The following ERBIN variants were observed in gnomAD, a reference collection of about 807,000 sequenced individuals.
ERBIN encodes erbb2 interacting protein.
ERBIN carries 60 observed loss-of-function variants against 158.4 expected under a neutral mutation model. The observed-to-expected ratio is 0.38, with a 90% CI of 0.31 to 0.47. ERBIN has a LOEUF of 0.47. Ranked by LOEUF, ERBIN falls within the 20% of genes least tolerant of loss-of-function variation. The pLI, the probability that ERBIN is intolerant of heterozygous loss-of-function variation, is 0.99. For missense variants in ERBIN, 1,610 were observed against 1,648.0 expected (o/e 0.98, Z 0.40); for synonymous variants, 594 against 557.2 (o/e 1.07, Z -0.93).
chr5:65,994,208 A>G (rs1752182302), intron 3 of ERBIN, among the ~76,000 whole-genome samples: 1 of 152,134 alleles, frequency 6.6e-6, no homozygotes, highest in African/African-American at 2.4e-5. Context: ...TCAGCAGGCA[A>G]TTTATCTTCC....
At chr5:66,023,049 A>G (rs540671456) in intron 8 of ERBIN, 8 of 367,050 alleles carry the variant, frequency 2.2e-5, no homozygotes, top group Non-Finnish European at 3.4e-5. Flanking sequence ...ATCTACTGCT[A>G]TGGCATGTCT....
At chr5:66,033,901 G>A (rs1172458472) in intron 14 of ERBIN, among the ~76,000 whole-genome samples, 2 of 152,114 alleles carry the variant, frequency 1.3e-5, no homozygotes, top group East Asian at 1.9e-4. Context: ...CTGAGGTCAG[G>A]AATTCAAGAC....
intron 4 of ERBIN, among the ~76,000 whole-genome samples, chr5:66,004,955 G>A (rs1053391387): frequency 1.3e-4 from 20 of 152,202 alleles, no homozygotes; most frequent in Non-Finnish European, 4.4e-5. Flanking sequence ...TACAGGAGCA[G>A]CTAATGAAGA....
intron 1 of ERBIN, among the ~76,000 whole-genome samples, chr5:65,954,762 GA>G (rs11359030): frequency 0.049 from 6,951 of 142,214 alleles, 523 homozygotes; most frequent in African/African-American, 0.16. Flanking sequence ...TTTCAGAACT[GA>G]AAAAAAAAAA....
intron 1 of ERBIN, among the ~76,000 whole-genome samples, chr5:65,956,990 A>G (rs577311110): frequency 6.6e-6 from 1 of 152,186 alleles, no homozygotes; most frequent in South Asian, 2.1e-4. Flanking sequence ...TGTGTATGGT[A>G]ATAATATTAC....
intron 1 of ERBIN, among the ~76,000 whole-genome samples, chr5:65,933,811 A>G (rs1356120188): frequency 6.6e-6 from 1 of 152,218 alleles, no homozygotes; most frequent in Non-Finnish European, 1.5e-5. Context: ...TTAATTTTTG[A>G]AACAATGACT....
At position 66,073,117 on chromosome 5, in the gene ERBIN, C is replaced by G. The variant is rs566197938; in HGVS notation, c.3756+826C>G. The stretch of plus-strand genomic sequence containing the variant: ...AATACTTTCTAATTTCCTGAGCCAT[C>G]TGCTAATTGTAGCTTAATATATTCC... On this transcript the variant is annotated intron_variant, in intron 22 of 25. Coordinates refer to ENST00000284037, the MANE Select transcript of ERBIN (RefSeq NM_001253697.2). Among the ~76,000 whole-genome samples the G allele has an allele frequency of 8.5e-5, 13 of 152,266 alleles. No individual in the cohort carries two copies. In the South Asian group the frequency reaches 2.1e-3, roughly 24 times the overall value.
At chr5:65,982,483 C>T (rs1020301478) in intron 1 of ERBIN, among the ~76,000 whole-genome samples, 3 of 152,128 alleles carry the variant, frequency 2.0e-5, no homozygotes, top group Non-Finnish European at 4.4e-5. Flanking sequence ...CTCTCGATCA[C>T]AGTAATTTGC....
intron 1 of ERBIN, among the ~76,000 whole-genome samples, chr5:65,987,440 T>C (rs1751383670): frequency 6.6e-6 from 1 of 151,322 alleles, no homozygotes; most frequent in African/African-American, 2.4e-5. Flanking sequence ...TGCACGCTTA[T>C]AGTCCCAGCC....
intron 22 of ERBIN, 85 bp downstream of exon 22, chr5:66,072,376 A>G (rs997179435): frequency 1.0e-5 from 14 of 1,337,312 alleles, no homozygotes; most frequent in Non-Finnish European, 1.3e-5. Flanking sequence ...TGTGCTTTAG[A>G]TGAAAATACT....
chr5:65,994,094 T>C (rs1752173353), intron 3 of ERBIN, among the ~76,000 whole-genome samples: 1 of 152,206 alleles, frequency 6.6e-6, no homozygotes, highest in Non-Finnish European at 1.5e-5. Flanking sequence ...GAGAAATCTT[T>C]ATATGGCTAT....
Position 66,072,187 on chromosome 5 carries a change from A to C in ERBIN, c.3652A>C (p.Ser1218Arg), listed in dbSNP as rs755263318. ...KLEKKHPQTSSSGDPCQDGIF... is the reference protein window; with the variant it reads ...KLEKKHPQTSRSGDPCQDGIF... ...TCATTAGAAGCATCCCCAGACATCC[A>C]GTTCAGGAGATCCTTGTCAAGATGG... The change falls in exon 22 of 26, where the codon AGT (serine) becomes CGT (arginine). Residue 1218 changes from serine (S) to arginine (R), a missense_variant. This residue lies in a region of ERBIN where 1,014 missense variants were observed against 936.1 expected (regional missense o/e 1.08). Transcript: ENST00000284037. The C allele has an allele frequency of 2.6e-6, 4 of 1,550,110 alleles. No individual in the cohort carries two copies. The South Asian group carries it at 4.8e-5, about 18-fold the overall frequency.
At chr5:66,055,983 A>G (rs1438024245) in intron 21 of ERBIN, among the ~76,000 whole-genome samples, 1 of 152,146 alleles carries the variant, frequency 6.6e-6, no homozygotes, top group Admixed American at 6.6e-5. Context: ...ATTTTATTTC[A>G]TCTAGTAACT....
intron 10 of ERBIN, chr5:66,025,274 CTA>C: frequency 1.8e-6 from 1 of 554,172 alleles, no homozygotes. Context: ...CAAATGTACA[CTA>C]TGTTAAATAG....
chr5:66,009,825 G>C (rs1754018374), intron 4 of ERBIN, among the ~76,000 whole-genome samples: 1 of 151,974 alleles, frequency 6.6e-6, no homozygotes, highest in South Asian at 2.1e-4. Flanking sequence ...ATTCAAAAGG[G>C]GAAGAATAAA....
intron 1 of ERBIN, among the ~76,000 whole-genome samples, chr5:65,938,303 T>A (rs542139505): frequency 3.9e-5 from 6 of 152,156 alleles, no homozygotes; most frequent in Non-Finnish European, 7.3e-5. Context: ...AGAATTGCTT[T>A]TAGTATTTTA....
intron 1 of ERBIN, among the ~76,000 whole-genome samples, chr5:65,980,531 CAG>C (rs764622594): frequency 7.9e-5 from 12 of 152,130 alleles, no homozygotes; most frequent in Non-Finnish European, 1.6e-4. Flanking sequence ...ACCATTAAAA[CAG>C]AAATTGTCAA....
chr5:66,013,418 TA>T, intron 5 of ERBIN, 130 bp from the exon 6 acceptor site: 1 of 692,486 alleles, frequency 1.4e-6, no homozygotes, highest in Middle Eastern at 3.8e-4. Context: ...GGGGCTCTCA[TA>T]AAAGTAGCCA....
intron 1 of ERBIN, among the ~76,000 whole-genome samples, chr5:65,938,924 T>C (rs936919966): frequency 1.3e-5 from 2 of 152,188 alleles, no homozygotes; most frequent in African/African-American, 2.4e-5. Flanking sequence ...ATCAGTCATA[T>C]GAGAATGGCC....
Sources: gnomAD v4.1 joint callset for allele counts (sites outside exome capture counted in the v4.1 genomes callset) on GRCh38, gnomAD v4.1.1 for gene constraint, gnomAD v4.1.1 regional missense constraint, MANE v1.5 for transcripts, NCBI Gene and HGNC (gene_info 2026-07-23, HGNC 2026-07-21) for gene names.